The following ORC4 variants were observed in gnomAD, a reference collection of about 807,000 sequenced individuals.
The protein encoded by ORC4 is origin recognition complex, subunit 4 homolog.
Under a neutral mutation model 63.9 loss-of-function variants are expected in ORC4, and 55 were observed. The ratio of observed to expected loss-of-function variants is 0.86; its 90% CI spans 0.69 to 1.08. ORC4 has a LOEUF of 1.08. ORC4 is among the 50% of genes least tolerant of loss of function. ORC4 has a pLI of 0.00. For synonymous variants in ORC4, 150 were observed against 168.5 expected (o/e 0.89, Z 0.85); for missense variants, 511 against 504.4 (o/e 1.01, Z -0.13).
intron 5 of ORC4, 153 bp downstream of exon 5, chr2:147,958,635 ATTT>A: frequency 1.7e-6 from 1 of 588,628 alleles, no homozygotes; most frequent in Non-Finnish European, 3.0e-6. Context: ...CATTATTATT[ATTT>A]TAATTTCTAA....
chr2:147,948,889 T>C (rs1315523141), intron 8 of ORC4, among the ~76,000 whole-genome samples: 1 of 150,946 alleles, frequency 6.6e-6, no homozygotes, highest in Non-Finnish European at 1.5e-5. Context: ...AAAAGCACAA[T>C]AGGTAAGCTG....
intron 13 of ORC4, chr2:147,937,006 G>C (rs1190397620): frequency 7.7e-6 from 1 of 130,090 alleles, no homozygotes; most frequent in Non-Finnish European, 1.6e-5. Context: ...TAGGCGACAG[G>C]AGACTCCATC....
At chr2:148,006,470 C>T (rs774527165) in intron 1 of ORC4, among the ~76,000 whole-genome samples, 3 of 152,110 alleles carry the variant, frequency 2.0e-5, no homozygotes, top group Non-Finnish European at 4.4e-5. Context: ...CAGTGCAATA[C>T]CACCCGTGGC....
chr2:147,952,674 C>T (rs756348233), intron 7 of ORC4, 150 bp from the exon 8 acceptor site: 6 of 654,266 alleles, frequency 9.2e-6, no homozygotes, highest in African/African-American at 3.7e-5. Flanking sequence ...GATGCATATA[C>T]GTTCATTCAA....
intron 1 of ORC4, among the ~76,000 whole-genome samples, chr2:147,999,911 C>T (rs1265754456): frequency 6.6e-6 from 1 of 151,388 alleles, no homozygotes; most frequent in African/African-American, 2.4e-5. Context: ...CAAAACCAAA[C>T]AATAATTTTA....
At position 147,973,579 on chromosome 2, in the gene ORC4, A is replaced by C. The variant is rs1224838994; in HGVS notation, c.58-55T>G. On this transcript the variant is annotated intron_variant, in intron 2 of 13. Transcript: ENST00000392857. ...TAAAAATATTACACATGATATAAAAAATAAATAAGAAAGCACATTTACAAT... is the reference window on the plus strand; with the variant it reads ...TAAAAATATTACACATGATATAAAACATAAATAAGAAAGCACATTTACAAT... 7.1e-6 allele frequency: 7 copies of C among 981,086 alleles called. No individual in the cohort carries two copies. The Admixed American group carries it at 1.4e-4, about 19-fold the overall frequency. 60.8% of individuals were successfully genotyped at this position (981,086 alleles called of 1,614,324 possible). A position where few individuals can be genotyped will look rare whatever the true frequency, so the allele number is the denominator to read the frequency against.
chr2:147,989,342 A>G (rs1398441468), intron 1 of ORC4, among the ~76,000 whole-genome samples: 1 of 152,166 alleles, frequency 6.6e-6, no homozygotes, highest in African/African-American at 2.4e-5. Flanking sequence ...CTGGGCCTGC[A>G]TACCTCAGAG....
At chr2:147,982,837 C>T (rs1690969595) in intron 1 of ORC4, among the ~76,000 whole-genome samples, 1 of 152,104 alleles carries the variant, frequency 6.6e-6, no homozygotes, top group Admixed American at 6.5e-5. Flanking sequence ...TACCTGCAAA[C>T]CACATATCTG....
rs1692367635 is a variant in ORC4, at chr2:148,002,322, A to C, written c.-18+18311T>G. Among the ~76,000 whole-genome samples, 7 of 152,250 alleles carry C rather than the reference A, an allele frequency of 4.6e-5. 1 individual carries two copies. Among genetic ancestry groups the C allele is most frequent in the African/African-American group, 1.7e-4 (7 of 41,548 alleles). On this transcript the variant is annotated intron_variant, in intron 1 of 13. Coordinates refer to ENST00000392857, the MANE Select transcript of ORC4 (RefSeq NM_181741.4). ...CAACAGAATATACATTCTTCTCAGCACCACATCGCACTTATTCTAAAATTG... is the reference window on the plus strand; with the variant it reads ...CAACAGAATATACATTCTTCTCAGCCCCACATCGCACTTATTCTAAAATTG...
chr2:148,000,315 A>G (rs1477833028), intron 1 of ORC4, among the ~76,000 whole-genome samples: 2 of 152,132 alleles, frequency 1.3e-5, no homozygotes, highest in South Asian at 2.1e-4. Context: ...GAAACATTTG[A>G]TAAGTTTCAA....
chr2:148,009,430 A>G (rs777204387), intron 1 of ORC4, among the ~76,000 whole-genome samples: 14 of 152,180 alleles, frequency 9.2e-5, no homozygotes, highest in Non-Finnish European at 1.8e-4. Flanking sequence ...GTAGCTTTGT[A>G]TCTATTTTTA....
At chr2:147,978,074 C>T (rs1327897062) in intron 1 of ORC4, among the ~76,000 whole-genome samples, 3 of 152,150 alleles carry the variant, frequency 2.0e-5, no homozygotes, top group Non-Finnish European at 2.9e-5. Flanking sequence ...GGTCAGGTGG[C>T]CTGTTTGCAG....
chr2:148,014,853 T>C (rs1475383320), intron 1 of ORC4, among the ~76,000 whole-genome samples: 1 of 152,068 alleles, frequency 6.6e-6, no homozygotes, highest in Non-Finnish European at 1.5e-5. Context: ...TATAAGGAAT[T>C]TGAGCTGCCT....
chr2:147,952,248 C>A, intron 8 of ORC4, 125 bp downstream of exon 8: 1 of 666,086 alleles, frequency 1.5e-6, no homozygotes, highest in South Asian at 2.0e-5. Context: ...GATAAATACA[C>A]CAGGCACTGC....
At chr2:148,015,935 G>T (rs1216057746) in intron 1 of ORC4, among the ~76,000 whole-genome samples, 1 of 152,112 alleles carries the variant, frequency 6.6e-6, no homozygotes, top group African/African-American at 2.4e-5. Flanking sequence ...CAGGCCACTG[G>T]AAGTTGACAA....
rs895643142 is a variant in ORC4 at position 147,991,760 on chromosome 2, G to A, written c.-17-15785C>T. ...GGAGAATCGCTTGAACCGGGGAGGC[G>A]GAGGCTGCAGTAAGCGGAGATTGCA... is the stretch of plus-strand genomic sequence containing the variant. On this transcript the variant is annotated intron_variant, in intron 1 of 13. Coordinates refer to ENST00000392857, the MANE Select transcript of ORC4 (RefSeq NM_181741.4). Among the ~76,000 whole-genome samples the A allele has an allele frequency of 2.7e-4, 41 of 152,042 alleles. 1 individual carries two copies. Among genetic ancestry groups the A allele is most frequent in the Non-Finnish European group, 1.6e-4 (11 of 68,016 alleles).
At chr2:147,958,513 T>A (rs916582277) in intron 5 of ORC4, 130 bp from the exon 6 acceptor site, 31 of 688,854 alleles carry the variant, frequency 4.5e-5, no homozygotes, top group Non-Finnish European at 7.4e-5. Flanking sequence ...TCTTAAAACT[T>A]AGCAATAAAG....
chr2:147,980,516 CT>C, intron 1 of ORC4, among the ~76,000 whole-genome samples: 1 of 151,794 alleles, frequency 6.6e-6, no homozygotes. Flanking sequence ...ACAAAAAAAA[CT>C]TAATAGCAAG....
At chr2:147,943,660 T>C (rs1288194408) in intron 9 of ORC4, 138 bp from the exon 10 acceptor site, 1 of 636,844 alleles carries the variant, frequency 1.6e-6, no homozygotes, top group Non-Finnish European at 2.8e-6. Flanking sequence ...GATGTTGGTC[T>C]TATTTGTAGA....
Sources: gnomAD v4.1 joint callset for allele counts (sites outside exome capture counted in the v4.1 genomes callset) on GRCh38, gnomAD v4.1.1 for gene constraint, MANE v1.5 for transcripts, NCBI Gene and HGNC (gene_info 2026-07-23, HGNC 2026-07-21) for gene names.